SNX25: variants seen among roughly 807,000 people sequenced by gnomAD.
The protein encoded by SNX25 is sorting nexin 25, also known as sorting nexin-25.
In SNX25, 62 loss-of-function variants were observed where a neutral mutation model predicts 113.7. That is an observed-to-expected ratio of 0.55 (90% CI 0.44 to 0.67). The LOEUF (loss-of-function observed/expected upper bound fraction) is 0.67. Ranked by LOEUF, SNX25 falls within the 30% of genes least tolerant of loss-of-function variation. SNX25 has a pLI of 0.00. For synonymous variants in SNX25, 421 were observed against 436.2 expected (o/e 0.97, Z 0.43); for missense variants, 1,014 against 1,161.0 (o/e 0.87, Z 1.84).
At chr4:185,323,872 G>T (rs953544671) in intron 9 of SNX25, 72 bp downstream of exon 9, 13 of 1,519,484 alleles carry the variant, frequency 8.6e-6, no homozygotes, top group Middle Eastern at 1.9e-4. Flanking sequence ...GGTGCATATT[G>T]TGTGAGCCAA....
intron 10 of SNX25, among the ~76,000 whole-genome samples, chr4:185,338,178 G>C (rs1402423478): frequency 1.3e-5 from 2 of 151,748 alleles, no homozygotes; most frequent in Non-Finnish European, 2.9e-5. Context: ...ATGAATTCCA[G>C]TTTGTCTATT....
At chr4:185,225,381 C>T (rs893110430) in intron 1 of SNX25, among the ~76,000 whole-genome samples, 1 of 152,216 alleles carries the variant, frequency 6.6e-6, no homozygotes, top group Non-Finnish European at 1.5e-5. Context: ...ACCTCGGCCT[C>T]CCAAAGTGCT....
At chr4:185,360,771 T>C (rs1268139599) in intron 16 of SNX25, among the ~76,000 whole-genome samples, 2 of 151,712 alleles carry the variant, frequency 1.3e-5, no homozygotes, top group African/African-American at 2.4e-5. Context: ...TACAAAAAAT[T>C]AGCTGGGCAT....
intron 6 of SNX25, among the ~76,000 whole-genome samples, chr4:185,299,775 A>G (rs958917657): frequency 4.6e-5 from 7 of 152,168 alleles, no homozygotes; most frequent in Admixed American, 2.0e-4. Flanking sequence ...AGCCCAGCAT[A>G]TCTCCCTTTA....
At chr4:185,242,353 C>A (rs1469681017) in intron 1 of SNX25, among the ~76,000 whole-genome samples, 1 of 152,108 alleles carries the variant, frequency 6.6e-6, no homozygotes, top group Non-Finnish European at 1.5e-5. Context: ...AAGTGAAGCT[C>A]AGTCCCCAAG....
chr4:185,328,416 G>T (rs1169272408), intron 9 of SNX25, among the ~76,000 whole-genome samples: 3 of 151,962 alleles, frequency 2.0e-5, no homozygotes, highest in Non-Finnish European at 4.4e-5. Context: ...GTCATTTTAG[G>T]GTCTTTCATA....
At chr4:185,331,389 A>C (rs1211079664) in intron 9 of SNX25, among the ~76,000 whole-genome samples, 1 of 152,204 alleles carries the variant, frequency 6.6e-6, no homozygotes, top group Non-Finnish European at 1.5e-5. Flanking sequence ...AATGCCCAGC[A>C]TTGTACGTTA....
intron 13 of SNX25, among the ~76,000 whole-genome samples, chr4:185,350,246 G>A (rs2095308613): frequency 6.6e-6 from 1 of 152,188 alleles, no homozygotes; most frequent in African/African-American, 2.4e-5. Context: ...TAAACAAATA[G>A]GATGTTGCCA....
At chr4:185,373,561 A>G (rs1319711977), downstream of SNX25, among the ~76,000 whole-genome samples, 2 of 152,246 alleles carry the variant, frequency 1.3e-5, no homozygotes, top group Non-Finnish European at 2.9e-5. Flanking sequence ...ACTCTGCTAC[A>G]GTGAATTTGA....
In SNX25 at chr4:185,330,180, T is replaced by G. The variant is rs140244176; in HGVS notation, c.1750-2415T>G. Among the ~76,000 whole-genome samples, 596 of 152,318 alleles carry G rather than the reference T, an allele frequency of 3.9e-3. 1 individual carries two copies. Among genetic ancestry groups the G allele is most frequent in the African/African-American group, 0.013 (529 of 41,558 alleles). On this transcript the variant is annotated intron_variant, in intron 9 of 18. Transcript: ENST00000652585. Reference sequence around the variant, plus strand: ...ATTGGTTTTAGGGTGAGAGAGCTTATCACAGGCTTGGAATGTTTCTGTGTG... The same window carrying G: ...ATTGGTTTTAGGGTGAGAGAGCTTAGCACAGGCTTGGAATGTTTCTGTGTG...
In SNX25 at chr4:185,362,596, C is replaced by T; in HGVS notation, c.2834-15C>T. On this transcript the variant is annotated splice_polypyrimidine_tract_variant and intron_variant, in intron 17 of 18. Coordinates refer to ENST00000652585, the MANE Select transcript of SNX25 (RefSeq NM_001378034.2). ...TTTATCAATAGCAGCATAGAATCTA[C>T]ACTTAATTTTTCAGATATGCTTCAG... 6.2e-7 allele frequency: 1 copy of T among 1,610,898 alleles called. No homozygotes were observed. The highest frequency in any genetic ancestry group is 2.2e-5 in the East Asian group (1 of 44,858).
At chr4:185,335,381 T>C (rs1008869338) in intron 10 of SNX25, among the ~76,000 whole-genome samples, 3 of 151,480 alleles carry the variant, frequency 2.0e-5, no homozygotes, top group African/African-American at 2.4e-5. Context: ...AACCTTAAGA[T>C]TGATGTTGAA....
At chr4:185,326,375 A>T (rs908969690) in intron 9 of SNX25, among the ~76,000 whole-genome samples, 1 of 152,126 alleles carries the variant, frequency 6.6e-6, no homozygotes, top group Non-Finnish European at 1.5e-5. Flanking sequence ...AGAAACCTGC[A>T]TTTGAGAGCA....
chr4:185,264,366 T>G (rs1361318895), intron 3 of SNX25, 72 bp from the exon 4 acceptor site: 1 of 1,390,460 alleles, frequency 7.2e-7, no homozygotes, highest in African/African-American at 1.4e-5. Flanking sequence ...TTTGAAATAT[T>G]TTTTACCTAA....
At chr4:185,264,010 T>C (rs1478926172) in intron 3 of SNX25, among the ~76,000 whole-genome samples, 1 of 152,210 alleles carries the variant, frequency 6.6e-6, no homozygotes, top group African/African-American at 2.4e-5. Context: ...GAAATACCTG[T>C]AGACTTTTTA....
intron 5 of SNX25, among the ~76,000 whole-genome samples, chr4:185,282,629 T>C (rs1341294995): frequency 1.3e-5 from 2 of 152,238 alleles, no homozygotes; most frequent in Non-Finnish European, 2.9e-5. Context: ...GAGGAGCAGA[T>C]GGCAGTTATC....
intron 5 of SNX25, among the ~76,000 whole-genome samples, chr4:185,274,749 A>G (rs1749421818): frequency 6.6e-6 from 1 of 152,218 alleles, no homozygotes; most frequent in Admixed American, 6.5e-5. Context: ...ACAGTGTTGG[A>G]TTCTTAATAA....
intron 1 of SNX25, among the ~76,000 whole-genome samples, chr4:185,239,974 G>C (rs910792879): frequency 6.7e-6 from 1 of 150,200 alleles, no homozygotes; most frequent in African/African-American, 2.5e-5. Context: ...GACTCTTAAC[G>C]AGCATGCTTC....
rs150172120 is a variant in SNX25, at chr4:185,251,969, T to C, written c.514+4591T>C. On this transcript the variant is annotated intron_variant, in intron 2 of 18. Coordinates refer to ENST00000652585, the MANE Select transcript of SNX25 (RefSeq NM_001378034.2). Reference sequence around the variant, plus strand: ...GTTTATTATACTTTGCTTTTTTTTTTCTTTTTTTTTAACCACATTCTTAAT... The same window carrying C: ...GTTTATTATACTTTGCTTTTTTTTTCCTTTTTTTTTAACCACATTCTTAAT... 5.8e-3 allele frequency among the ~76,000 whole-genome samples: 877 copies of C among 152,166 alleles called. 4 individuals carry two copies. Among genetic ancestry groups the C allele is most frequent in the Admixed American group, 9.5e-3 (145 of 15,274 alleles).
Sources: gnomAD v4.1 joint callset for allele counts (sites outside exome capture counted in the v4.1 genomes callset) on GRCh38, gnomAD v4.1.1 for gene constraint, MANE v1.5 for transcripts, NCBI Gene and HGNC (gene_info 2026-07-23, HGNC 2026-07-21) for gene names.